Variants in FAM178B observed in about 807,000 individuals in gnomAD.
The protein encoded by FAM178B is protein FAM178B.
Under a neutral mutation model 91.7 loss-of-function variants are expected in FAM178B, and 82 were observed. The ratio of observed to expected loss-of-function variants is 0.89; its 90% CI spans 0.75 to 1.07. FAM178B has a LOEUF of 1.07. FAM178B is among the 50% of genes least tolerant of loss of function. The pLI is 0.00. For synonymous variants in FAM178B, 368 were observed against 359.4 expected (o/e 1.02, Z -0.27); for missense variants, 769 against 846.7 (o/e 0.91, Z 1.14).
intron 14 of FAM178B, among the ~76,000 whole-genome samples, chr2:96,885,809 T>C (rs2080504544): frequency 6.6e-6 from 1 of 151,700 alleles, no homozygotes; most frequent in Non-Finnish European, 1.5e-5. Context: ...CCAGAAAACC[T>C]AGCTCTGCAA....
At chr2:96,967,432 T>C in intron 5 of FAM178B, 88 bp downstream of exon 5, 1 of 737,246 alleles carries the variant, frequency 1.4e-6, no homozygotes, top group Non-Finnish European at 2.3e-6. Context: ...CACTGTACCA[T>C]GTTGGTCAAA....
intron 13 of FAM178B, among the ~76,000 whole-genome samples, chr2:96,902,374 G>T (rs1276470834): frequency 6.6e-6 from 1 of 152,242 alleles, no homozygotes; most frequent in African/African-American, 2.4e-5. Flanking sequence ...AAAGTGCTGG[G>T]ATTACAGGCG....
intron 5 of FAM178B, among the ~76,000 whole-genome samples, chr2:96,961,732 C>T (rs1282780391): frequency 2.6e-5 from 4 of 152,044 alleles, no homozygotes; most frequent in Non-Finnish European, 4.4e-5. Flanking sequence ...TGTGGTGTGG[C>T]GTCGCCTGCA....
intron 14 of FAM178B, among the ~76,000 whole-genome samples, chr2:96,885,879 G>A (rs1319266434): frequency 2.0e-5 from 3 of 152,206 alleles, no homozygotes; most frequent in African/African-American, 4.8e-5. Flanking sequence ...GCCAGTACAC[G>A]TATACATCAG....
intron 6 of FAM178B, among the ~76,000 whole-genome samples, chr2:96,959,199 G>GAAAAAAAAAAAAAAAAAA (rs57498168): frequency 4.9e-5 from 4 of 82,134 alleles, no homozygotes; most frequent in African/African-American, 1.3e-4. Flanking sequence ...ACTCAGTTTT[G>GAAAAAAAAAAAAAAAAAA]AAAAAAAAAA....
intron 14 of FAM178B, among the ~76,000 whole-genome samples, chr2:96,882,032 C>T (rs73960683): frequency 0.046 from 7,023 of 152,188 alleles, 531 homozygotes; most frequent in African/African-American, 0.16. Context: ...AAGCTGGGTT[C>T]CCAGTAGGGA....
intron 12 of FAM178B, among the ~76,000 whole-genome samples, chr2:96,910,652 C>T (rs1157188253): frequency 6.6e-6 from 1 of 152,156 alleles, no homozygotes; most frequent in African/African-American, 2.4e-5. Flanking sequence ...CCCTTCTTTC[C>T]AAACCTGAGA....
chr2:96,894,141 G>A, intron 13 of FAM178B, 90 bp from the exon 14 acceptor site: 2 of 1,474,334 alleles, frequency 1.4e-6, no homozygotes, highest in Non-Finnish European at 1.8e-6. Flanking sequence ...ACCTCAGCTG[G>A]TGGCAGTGTG....
intron 1 of FAM178B, chr2:96,977,784 G>GT (rs1003200849): frequency 6.6e-6 from 3 of 455,750 alleles, no homozygotes; most frequent in African/African-American, 4.0e-5. Context: ...TCCTAACAAT[G>GT]TAAGAGCCCA....
chr2:96,884,859 A>G (rs7593245), intron 14 of FAM178B, among the ~76,000 whole-genome samples: 4,192 of 152,336 alleles, frequency 0.028, 169 homozygotes, highest in African/African-American at 0.095. Flanking sequence ...TGACTTGGGA[A>G]GTGACTCTGA....
chr2:96,906,582 A>T lies in FAM178B; in HGVS notation c.1563-3875T>A, dbSNP rs149421051. On this transcript the variant is annotated intron_variant, in intron 12 of 16. Coordinates refer to ENST00000490605, the MANE Select transcript of FAM178B (RefSeq NM_001122646.3). ...AACACTTCCCACTTCCCCCACACTG[A>T]GCACTGAGGAAAGGCAGCGCCCACC... Among the ~76,000 whole-genome samples the T allele has an allele frequency of 4.2e-3, 642 of 152,076 alleles. 2 individuals are homozygous for T. The highest frequency in any genetic ancestry group is 7.8e-3 in the Non-Finnish European group (531 of 67,982).
At position 96,986,444 on chromosome 2, in the gene FAM178B, A is replaced by G; in HGVS notation, c.-131T>C. On this transcript the variant is annotated 5_prime_UTR_variant, in exon 1 of 17. Coordinates refer to ENST00000490605, the MANE Select transcript of FAM178B (RefSeq NM_001122646.3). ...CAGGCGGCGCAGTGGGAGGACCCCAAGAGTTGCGTCCCTAGATCCAGGGCC... is the reference window on the plus strand; with the variant it reads ...CAGGCGGCGCAGTGGGAGGACCCCAGGAGTTGCGTCCCTAGATCCAGGGCC... The G allele has an allele frequency of 9.1e-7, 1 of 1,101,880 alleles. No individual in the cohort carries two copies. The highest frequency in any genetic ancestry group is 1.3e-6 in the Non-Finnish European group (1 of 796,324). The allele number at this position is 1,101,880 out of a possible 1,614,324, so 68.3% of individuals were successfully genotyped here. A position where few individuals can be genotyped will look rare whatever the true frequency, so the allele number is the denominator to read the frequency against.
chr2:96,917,567 C>T (rs569737318), intron 12 of FAM178B, among the ~76,000 whole-genome samples: 19 of 152,248 alleles, frequency 1.2e-4, no homozygotes, highest in African/African-American at 4.6e-4. Flanking sequence ...ATTATTAAGA[C>T]CAAAAAGCTG....
intron 13 of FAM178B, among the ~76,000 whole-genome samples, chr2:96,899,587 C>T (rs533309731): frequency 6.6e-5 from 10 of 151,900 alleles, no homozygotes; most frequent in Admixed American, 2.6e-4. Context: ...AAAAAAAAAG[C>T]GGGTCTTGCT....
chr2:96,949,577 A>C (rs2081890285), intron 7 of FAM178B, among the ~76,000 whole-genome samples: 1 of 151,972 alleles, frequency 6.6e-6, no homozygotes, highest in South Asian at 2.1e-4. Context: ...CCACCCTCGC[A>C]CCTGCAGAAG....
intron 12 of FAM178B, among the ~76,000 whole-genome samples, chr2:96,910,224 C>T (rs2081127946): frequency 6.6e-6 from 1 of 152,160 alleles, no homozygotes; most frequent in African/African-American, 2.4e-5. Flanking sequence ...AGGAGCACAT[C>T]AAGCACCATT....
intron 8 of FAM178B, among the ~76,000 whole-genome samples, chr2:96,937,856 T>G (rs944271052): frequency 1.3e-5 from 2 of 151,982 alleles, no homozygotes; most frequent in South Asian, 4.2e-4. Context: ...TGAGACCCTA[T>G]CTCTACAAAA....
intron 1 of FAM178B, 117 bp downstream of exon 1, chr2:96,986,124 G>A: frequency 6.7e-7 from 1 of 1,481,802 alleles, no homozygotes; most frequent in Non-Finnish European, 8.9e-7. Context: ...GAGTAGCCCG[G>A]CGGCCGCACC....
At chr2:96,968,192 A>G (rs2082171371) in intron 4 of FAM178B, among the ~76,000 whole-genome samples, 1 of 151,786 alleles carries the variant, frequency 6.6e-6, no homozygotes, top group South Asian at 2.1e-4. Flanking sequence ...TGACACGTGC[A>G]TGGCCTGACT....
Sources: allele counts gnomAD v4.1 joint callset (sites outside exome capture counted in the v4.1 genomes callset), GRCh38; gene constraint gnomAD v4.1.1; transcripts MANE v1.5; gene names NCBI Gene and HGNC (gene_info 2026-07-23, HGNC 2026-07-21).